The following CD79B variants were observed in gnomAD, a reference collection of about 807,000 sequenced individuals.
The protein encoded by CD79B is CD79b molecule.
CD79B carries 7 observed loss-of-function variants against 30.0 expected under a neutral mutation model. The ratio of observed to expected loss-of-function variants is 0.23; its 90% CI spans 0.13 to 0.44. CD79B has a LOEUF of 0.44. CD79B is among the 20% of genes least tolerant of loss of function. CD79B has a pLI of 1.00. For synonymous variants in CD79B, 118 were observed against 119.2 expected (o/e 0.99, Z 0.07); for missense variants, 218 against 299.1 (o/e 0.73, Z 2.00).
Position 63,929,145 on chromosome 17 carries a change from G to A in CD79B, c.*81C>T. ...GGCCAGCTGGGGGGTCCAGGAAAGGGGTTGGGCCATGAGCCAGGCAGCTCC... is the reference window on the plus strand; with the variant it reads ...GGCCAGCTGGGGGGTCCAGGAAAGGAGTTGGGCCATGAGCCAGGCAGCTCC... On this transcript the variant is annotated 3_prime_UTR_variant, in exon 6 of 6. Coordinates refer to ENST00000006750, the MANE Select transcript of CD79B (RefSeq NM_000626.4). The A allele has an allele frequency of 2.1e-6, 2 of 953,786 alleles. No homozygotes were observed. The highest frequency in any genetic ancestry group is 1.3e-5 in the South Asian group (1 of 77,468). The allele number at this position is 953,786 out of a possible 1,614,324, so 59.1% of individuals were successfully genotyped here.
chr17:63,930,401 C>T lies in CD79B; in HGVS notation c.119-16G>A. 6.2e-7 allele frequency: 1 copy of T among 1,611,552 alleles called. No individual in the cohort carries two copies. The highest frequency in any genetic ancestry group is 8.5e-7 in the Non-Finnish European group (1 of 1,178,926). On this transcript the variant is annotated splice_polypyrimidine_tract_variant and intron_variant, in intron 2 of 5. Coordinates refer to ENST00000006750, the MANE Select transcript of CD79B (RefSeq NM_000626.4). ...CAAGCACTACCTGTGGGTGCCAAGG[C>T]CAGGCTCAGCATTCCGCTTGGCATC... is the stretch of plus-strand genomic sequence containing the variant.
intron 2 of CD79B, among the ~76,000 whole-genome samples, chr17:63,930,687 C>T (rs1908071402): frequency 6.6e-6 from 1 of 152,188 alleles, no homozygotes; most frequent in Non-Finnish European, 1.5e-5. Context: ...CCCATTACAA[C>T]AGCCTGACCC....
chr17:63,929,563 G>C, intron 4 of CD79B, 88 bp from the exon 5 acceptor site: 1 of 1,410,852 alleles, frequency 7.1e-7, no homozygotes, highest in Non-Finnish European at 1.0e-6. Flanking sequence ...CCAGGGAGAG[G>C]GGTGAGGGGT....
At chr17:63,932,158 A>G in intron 1 of CD79B, 37 bp downstream of exon 1, 1 of 1,590,332 alleles carries the variant, frequency 6.3e-7, no homozygotes, top group Non-Finnish European at 8.6e-7. Context: ...GCTGGAGATG[A>G]GAGCAAACCC....
chr17:63,931,216 G>A (rs1008100017), intron 2 of CD79B, 119 bp downstream of exon 2: 36 of 976,388 alleles, frequency 3.7e-5, no homozygotes, highest in Non-Finnish European at 5.5e-5. Context: ...TGGGAATCCT[G>A]GATGGGGAGA....
chr17:63,932,087 A>C (rs1908166811), intron 1 of CD79B, 108 bp downstream of exon 1: 1 of 994,284 alleles, frequency 1.0e-6, no homozygotes. Context: ...CAGGCGGTAA[A>C]GAGTGAGAGA....
Position 63,929,793 on chromosome 17 carries a change from G to T in CD79B, c.526C>A (p.Pro176Thr). The T allele has an allele frequency of 6.2e-7, 1 of 1,610,772 alleles. No individual in the cohort carries two copies. The highest frequency in any genetic ancestry group is 2.2e-5 in the East Asian group (1 of 44,868). ...TLLIILFIIVPIFLLLDKDDS... is the reference protein window; with the variant it reads ...TLLIILFIIVTIFLLLDKDDS... ...ACCTTGTCCAGCAGCAGGAAGATAG[G>T]CACGATGATGAAGAGGATGATCAGC... Residue 176 changes from proline to threonine, a missense_variant, in exon 4 of 6, where the codon CCT (proline) becomes ACT (threonine). Coordinates refer to ENST00000006750, the MANE Select transcript of CD79B (RefSeq NM_000626.4).
At chr17:63,930,903 G>T in intron 2 of CD79B, 1 of 305,292 alleles carries the variant, frequency 3.3e-6, no homozygotes, top group Admixed American at 4.5e-5. Flanking sequence ...TGCAGGGACT[G>T]GGTCCACTTC....
chr17:63,931,294 C>T (rs755835207), intron 2 of CD79B, 41 bp downstream of exon 2: 19 of 1,603,122 alleles, frequency 1.2e-5, no homozygotes, highest in Non-Finnish European at 1.7e-6. Context: ...GACATAGTCG[C>T]ACACAACTTG....
Position 63,931,241 on chromosome 17 carries a change from G to A in CD79B, c.118+94C>T, listed in dbSNP as rs1337383532. ...GGATGGGGAGATCAGGCAAGGGTGGGAAGGCGGACCGCCCCCAGGACAGGG... is the reference window on the plus strand; with the variant it reads ...GGATGGGGAGATCAGGCAAGGGTGGAAAGGCGGACCGCCCCCAGGACAGGG... On this transcript the variant is annotated intron_variant, in intron 2 of 5. Transcript: ENST00000006750. The A allele has an allele frequency of 3.1e-6, 4 of 1,291,304 alleles. No individual in the cohort carries two copies. The African/African-American group carries it at 5.9e-5, about 19-fold the overall frequency. 80.0% of individuals were successfully genotyped at this position (1,291,304 alleles called of 1,614,324 possible).
rs367577524 is a variant in CD79B, at chr17:63,929,721, C to A, written c.549+49G>T. On this transcript the variant is annotated intron_variant, in intron 4 of 5. Coordinates refer to ENST00000006750, the MANE Select transcript of CD79B (RefSeq NM_000626.4). ...AGACCCTGCATATGCCTGGCCTATGCGGTGGCCTCCTCTGCGGTCCCCCAA... is the reference window on the plus strand; with the variant it reads ...AGACCCTGCATATGCCTGGCCTATGAGGTGGCCTCCTCTGCGGTCCCCCAA... The A allele has an allele frequency of 4.5e-6, 6 of 1,338,856 alleles. No homozygotes were observed. The African/African-American group carries it at 7.2e-5, about 16-fold the overall frequency. 82.9% of individuals were successfully genotyped at this position (1,338,856 alleles called of 1,614,324 possible). A position where few individuals can be genotyped will look rare whatever the true frequency, so the allele number is the denominator to read the frequency against.
chr17:63,931,552 G>A (rs949108539), intron 1 of CD79B, among the ~76,000 whole-genome samples, 167 bp from the exon 2 acceptor site: 3 of 152,158 alleles, frequency 2.0e-5, no homozygotes, highest in South Asian at 2.1e-4. Context: ...ACAGATATGG[G>A]GTGGGGGTAC....
intron 2 of CD79B, chr17:63,931,076 C>G: frequency 3.7e-6 from 2 of 539,716 alleles, no homozygotes; most frequent in Non-Finnish European, 6.8e-6. Context: ...AGAGGAACCC[C>G]CAGGCTCCCT....
At chr17:63,930,873 A>C in intron 2 of CD79B, 2 of 291,218 alleles carry the variant, frequency 6.9e-6, no homozygotes, top group South Asian at 3.6e-5. Flanking sequence ...ACTTCCCTCT[A>C]TCATCCCCCT....
At chr17:63,931,558 G>T (rs1908128983) in intron 1 of CD79B, among the ~76,000 whole-genome samples, 173 bp from the exon 2 acceptor site, 1 of 152,160 alleles carries the variant, frequency 6.6e-6, no homozygotes, top group African/African-American at 2.4e-5. Context: ...ATGGGGTGGG[G>T]GTACCGGAAG....
intron 3 of CD79B, 80 bp from the exon 4 acceptor site, chr17:63,929,968 A>G: frequency 6.5e-7 from 1 of 1,531,748 alleles, no homozygotes; most frequent in South Asian, 1.1e-5. Flanking sequence ...CTCAGGTCCC[A>G]GTGGCTCTCC....
At chr17:63,931,741 C>T (rs1908139436) in intron 1 of CD79B, 7 of 280,492 alleles carry the variant, frequency 2.5e-5, no homozygotes, top group South Asian at 8.4e-5. Context: ...CCCTGTCTCT[C>T]TTTTTTTTTT....
chr17:63,931,585 C>T (rs973394153), intron 1 of CD79B, among the ~76,000 whole-genome samples, 200 bp from the exon 2 acceptor site: 1 of 152,244 alleles, frequency 6.6e-6, no homozygotes, highest in South Asian at 2.1e-4. Flanking sequence ...CCCCAGCCCC[C>T]TTTCTGCCTT....
At chr17:63,931,255 C>G in intron 2 of CD79B, 80 bp downstream of exon 2, 1 of 1,463,282 alleles carries the variant, frequency 6.8e-7, no homozygotes, top group Non-Finnish European at 9.6e-7. Flanking sequence ...GCGGACCGCC[C>G]CCAGGACAGG....
Sources: gnomAD v4.1 joint callset for allele counts (sites outside exome capture counted in the v4.1 genomes callset) on GRCh38, gnomAD v4.1.1 for gene constraint, MANE v1.5 for transcripts, NCBI Gene and HGNC (gene_info 2026-07-23, HGNC 2026-07-21) for gene names.